The following TIMP2 variants were observed in gnomAD, a reference collection of about 807,000 sequenced individuals.
TIMP2 encodes metalloproteinase inhibitor 2.
TIMP2 carries 5 observed loss-of-function variants against 24.3 expected under a neutral mutation model. The ratio of observed to expected loss-of-function variants is 0.21; its 90% confidence interval spans 0.11 to 0.43. TIMP2 has a LOEUF of 0.43. TIMP2 is among the 20% of genes least tolerant of loss of function. The pLI, the probability that TIMP2 is intolerant of heterozygous loss-of-function variation, is 1.00. For missense variants in TIMP2, 221 were observed against 297.5 expected, an observed-to-expected ratio of 0.74 and a Z score of 1.89; for synonymous variants, 130 against 123.2, an observed-to-expected ratio of 1.06 and a Z score of -0.37.
rs189937608 is a variant in TIMP2, at chr17:78,879,448, T to C, written c.131-5529A>G. On this transcript the variant is annotated intron_variant, in intron 1 of 4. Transcript: ENST00000262768. ...TAAGGAATCTGGGAAGAAATGAAAA[T>C]TGTGGCACAGACACGTTTACTGAAC... Among the ~76,000 whole-genome samples, 8 of 152,174 alleles carry C rather than the reference T, an allele frequency of 5.3e-5. No homozygotes were observed. In the East Asian group the frequency reaches 1.4e-3, roughly 26 times the overall value.
intron 1 of TIMP2, among the ~76,000 whole-genome samples, chr17:78,895,466 A>G (rs548794428): frequency 6.6e-6 from 1 of 152,238 alleles, no homozygotes; most frequent in African/African-American, 2.4e-5. Flanking sequence ...CGTCAAAAAG[A>G]CAGACAATAG....
intron 2 of TIMP2, among the ~76,000 whole-genome samples, chr17:78,871,580 C>T (rs968061624): frequency 5.3e-5 from 8 of 152,064 alleles, no homozygotes; most frequent in African/African-American, 1.9e-4. Flanking sequence ...GGCGAAGTGG[C>T]TCACACCAGT....
chr17:78,898,380 G>A (rs928259895), intron 1 of TIMP2: 1 of 152,268 alleles, frequency 6.6e-6, no homozygotes, highest in Non-Finnish European at 1.5e-5. Flanking sequence ...GCCCAGGGAG[G>A]TCAGAGCTGG....
At chr17:78,918,416 G>A (rs930805807) in intron 1 of TIMP2, among the ~76,000 whole-genome samples, 2 of 152,172 alleles carry the variant, frequency 1.3e-5, no homozygotes, top group African/African-American at 2.4e-5. Context: ...GCACCAGGGC[G>A]TCAGGGCACA....
At chr17:78,863,330 C>A (rs2145748041) in intron 3 of TIMP2, among the ~76,000 whole-genome samples, 1 of 152,284 alleles carries the variant, frequency 6.6e-6, no homozygotes, top group African/African-American at 2.4e-5. Context: ...GCAACTTCCG[C>A]CTCCCGGGTT....
intron 1 of TIMP2, among the ~76,000 whole-genome samples, chr17:78,903,867 C>T (rs2070130980): frequency 2.0e-5 from 3 of 151,986 alleles, no homozygotes; most frequent in African/African-American, 7.3e-5. Flanking sequence ...CTGACCTAGT[C>T]TGGGTGGTTG....
At chr17:78,869,827 A>G (rs2069659181) in intron 3 of TIMP2, among the ~76,000 whole-genome samples, 1 of 152,242 alleles carries the variant, frequency 6.6e-6, no homozygotes, top group East Asian at 1.9e-4. Flanking sequence ...AAACAAAAAA[A>G]AGAGTAAGGA....
chr17:78,875,483 G>GTAACCT (rs2069720674), intron 1 of TIMP2, among the ~76,000 whole-genome samples: 1 of 152,122 alleles, frequency 6.6e-6, no homozygotes, highest in South Asian at 2.1e-4. Context: ...GGTAACCTGA[G>GTAACCT]GACAAGCAGA....
rs2070302405 is a variant in TIMP2 at position 78,920,680 on chromosome 17, T to C, written c.130+4279A>G. On this transcript the variant is annotated intron_variant, in intron 1 of 4. Coordinates refer to ENST00000262768, the MANE Select transcript of TIMP2 (RefSeq NM_003255.5). The surrounding 1 kb of genome is among the most constrained non-coding windows in gnomAD (Gnocchi z 4.5). ...TCACATCTTGCAAATGCATTTCACATTGTCACATGATTACTCCTGAATTTT... is the reference window on the plus strand; with the variant it reads ...TCACATCTTGCAAATGCATTTCACACTGTCACATGATTACTCCTGAATTTT... Among the ~76,000 whole-genome samples the C allele has an allele frequency of 6.6e-6, 1 of 152,214 alleles. No individual in the cohort carries two copies.
At chr17:78,877,204 A>G (rs2069735054) in intron 1 of TIMP2, among the ~76,000 whole-genome samples, 1 of 152,250 alleles carries the variant, frequency 6.6e-6, no homozygotes, top group African/African-American at 2.4e-5. Context: ...ATGCTGCACC[A>G]AAAATGTTTA....
At chr17:78,870,114 G>A (rs2069663166) in intron 3 of TIMP2, among the ~76,000 whole-genome samples, 1 of 152,106 alleles carries the variant, frequency 6.6e-6, no homozygotes, top group South Asian at 2.1e-4. Flanking sequence ...TGCCACTGAA[G>A]TGTACACTTG....
chr17:78,901,941 A>T, intron 1 of TIMP2: 1 of 604,038 alleles, frequency 1.7e-6, no homozygotes, highest in Non-Finnish European at 3.0e-6. Context: ...AGGCATCCGA[A>T]CCAAGCCCAG....
intron 3 of TIMP2, among the ~76,000 whole-genome samples, chr17:78,867,466 T>C (rs984826782): frequency 1.3e-5 from 2 of 152,040 alleles, no homozygotes; most frequent in African/African-American, 4.8e-5. Flanking sequence ...CCTGCCCAAC[T>C]CACAGCCCTG....
At chr17:78,889,331 C>A (rs1403226533) in intron 1 of TIMP2, among the ~76,000 whole-genome samples, 2 of 152,248 alleles carry the variant, frequency 1.3e-5, no homozygotes, top group Non-Finnish European at 2.9e-5. Flanking sequence ...TGATCAAACA[C>A]CCAGGTGCCG....
rs2070101351 is a variant in TIMP2 at position 78,902,028 on chromosome 17, TG to T, written c.130+22930del. ...TCTAAAAATACCCTCCATGACACGCTGTGTGCTGCCAGAGGCTTGGTTTTCG... is the reference window on the plus strand; with the variant it reads ...TCTAAAAATACCCTCCATGACACGCTTGTGCTGCCAGAGGCTTGGTTTTCG... On this transcript the variant is annotated intron_variant, in intron 1 of 4. Coordinates refer to ENST00000262768, the MANE Select transcript of TIMP2 (RefSeq NM_003255.5). The T allele has an allele frequency of 5.5e-6, 3 of 549,114 alleles. No individual in the cohort carries two copies. The South Asian group carries it at 6.9e-5, about 13-fold the overall frequency. The allele number at this position is 549,114 out of a possible 1,614,324, so 34.0% of individuals were successfully genotyped here.
intron 3 of TIMP2, among the ~76,000 whole-genome samples, chr17:78,870,182 G>A (rs1169068772): frequency 4.6e-5 from 7 of 152,232 alleles, no homozygotes; most frequent in Non-Finnish European, 8.8e-5. Flanking sequence ...TTGGGAGGCC[G>A]AGGTGGGTGG....
At chr17:78,860,166 A>C (rs554100908) in intron 3 of TIMP2, among the ~76,000 whole-genome samples, 3 of 152,078 alleles carry the variant, frequency 2.0e-5, no homozygotes, top group East Asian at 3.9e-4. Flanking sequence ...ACAGAGTAAG[A>C]CTCTGTCTTC....
At chr17:78,866,281 C>A (rs1049885784) in intron 3 of TIMP2, among the ~76,000 whole-genome samples, 1 of 152,162 alleles carries the variant, frequency 6.6e-6, no homozygotes, top group East Asian at 1.9e-4. Flanking sequence ...GCGTGCTGTG[C>A]GGCCACCCCA....
intron 3 of TIMP2, among the ~76,000 whole-genome samples, chr17:78,867,569 A>G (rs2069628036): frequency 6.7e-6 from 1 of 149,472 alleles, no homozygotes; most frequent in Non-Finnish European, 1.5e-5. Context: ...TGGACCTGTG[A>G]GAGTCTCTCT....
Sources: allele counts gnomAD v4.1 joint callset (sites outside exome capture counted in the v4.1 genomes callset), GRCh38; gene constraint gnomAD v4.1.1; non-coding constraint Gnocchi (gnomAD v3.1); transcripts MANE v1.5; gene names NCBI Gene and HGNC (gene_info 2026-07-23, HGNC 2026-07-21).